Variants in MAP3K13 observed in about 807,000 individuals in gnomAD.
MAP3K13 encodes leucine zipper-bearing kinase.
Under a neutral mutation model 104.0 loss-of-function variants are expected in MAP3K13, and 52 were observed. That is an observed-to-expected ratio of 0.50 (90% CI 0.40 to 0.63). The LOEUF (loss-of-function observed/expected upper bound fraction) is 0.63. MAP3K13 is among the 20% of genes least tolerant of loss of function. The pLI is 0.00. For missense variants in MAP3K13, 914 were observed against 1,218.5 expected (o/e 0.75, Z 3.72); for synonymous variants, 394 against 442.2 (o/e 0.89, Z 1.37).
At position 185,432,848 on chromosome 3, in the gene MAP3K13, A is replaced by C. The variant is rs535178046; in HGVS notation, c.475+3792A>C. On this transcript the variant is annotated intron_variant, in intron 2 of 13. Transcript: ENST00000265026. ...GTCAGCTTAAGATTCTGACACAGGC[A>C]CAGCAGGTGCCTGGCCTTTCAGCAG... Among the ~76,000 whole-genome samples the C allele has an allele frequency of 2.0e-5, 3 of 152,354 alleles. No individual in the cohort carries two copies. The South Asian group carries it at 6.2e-4, about 32-fold the overall frequency.
intron 1 of MAP3K13, among the ~76,000 whole-genome samples, chr3:185,374,313 G>T (rs774243284): frequency 2.6e-5 from 4 of 152,126 alleles, no homozygotes; most frequent in African/African-American, 9.7e-5. Context: ...ATTTTTGGGG[G>T]TTGTATGGAG....
chr3:185,485,150 TG>T lies in MAP3K13; in HGVS notation c.*2697del, dbSNP rs1487115534. 6.6e-6 allele frequency: 1 copy of T among 152,192 alleles called. No individual in the cohort carries two copies. The highest frequency in any genetic ancestry group is 1.5e-5 in the Non-Finnish European group (1 of 68,032). 9.4% of individuals were successfully genotyped at this position (152,192 alleles called of 1,614,324 possible). The stretch of plus-strand genomic sequence containing the variant: ...TAAAGTTTCTTAGGAAATAAATTCA[TG>T]GGACTATATTAGAAATAAAAAGAGA... On this transcript the variant is annotated 3_prime_UTR_variant, in exon 14 of 14. Coordinates refer to ENST00000265026, the MANE Select transcript of MAP3K13 (RefSeq NM_004721.5).
intron 2 of MAP3K13, among the ~76,000 whole-genome samples, chr3:185,350,375 C>T (rs951217236): frequency 2.0e-5 from 3 of 152,092 alleles, no homozygotes; most frequent in Admixed American, 1.3e-4. Context: ...TTAGTAGAGA[C>T]TGGGTTTCAC....
intron 2 of MAP3K13, among the ~76,000 whole-genome samples, chr3:185,434,665 T>G (rs1374879188): frequency 6.6e-6 from 1 of 152,180 alleles, no homozygotes; most frequent in Non-Finnish European, 1.5e-5. Context: ...GCTGTAAACA[T>G]GAACACAAAC....
chr3:185,333,340 G>C (rs750581955), intron 2 of MAP3K13, among the ~76,000 whole-genome samples: 3 of 152,152 alleles, frequency 2.0e-5, no homozygotes, highest in Non-Finnish European at 4.4e-5. Context: ...TTGTAAAGAT[G>C]AGATGATGTA....
intron 2 of MAP3K13, among the ~76,000 whole-genome samples, chr3:185,324,118 C>CTCCT (rs1721964153): frequency 6.6e-6 from 1 of 152,256 alleles, no homozygotes; most frequent in African/African-American, 2.4e-5. Context: ...TCACGCCATT[C>CTCCT]TCCTGCCTCA....
chr3:185,302,573 T>C (rs1043294968), intron 2 of MAP3K13, among the ~76,000 whole-genome samples: 2 of 152,172 alleles, frequency 1.3e-5, no homozygotes, highest in African/African-American at 4.8e-5. Flanking sequence ...TTATTCCTAA[T>C]TATTTTATTC....
At position 185,300,152 on chromosome 3, in the gene MAP3K13, AT is replaced by A. The variant is rs531057445; in HGVS notation, c.-86+14510del. Among the ~76,000 whole-genome samples, 39 of 148,974 alleles carry A rather than the reference AT, an allele frequency of 2.6e-4. No individual in the cohort carries two copies. The South Asian group carries it at 7.2e-3, about 28-fold the overall frequency. On this transcript the variant is annotated intron_variant, in intron 2 of 14. Coordinates refer to the MAP3K13 transcript ENST00000424227. ...ACTTAACACAGTGTCCTCAGAGTTC[AT>A]CTGTGTTGTAGCATATGATAGGATT...
intron 1 of MAP3K13, among the ~76,000 whole-genome samples, chr3:185,388,485 G>C (rs192994637): frequency 1.3e-5 from 2 of 152,234 alleles, no homozygotes; most frequent in Admixed American, 1.3e-4. Context: ...CTAGGTGACA[G>C]AGTGAGACCC....
At chr3:185,426,683 T>C (rs1381781601) in intron 1 of MAP3K13, among the ~76,000 whole-genome samples, 1 of 152,172 alleles carries the variant, frequency 6.6e-6, no homozygotes, top group African/African-American at 2.4e-5. Flanking sequence ...ATTTCTCATC[T>C]GTTCTATAGT....
At chr3:185,448,695 C>A (rs1325791769) in intron 5 of MAP3K13, among the ~76,000 whole-genome samples, 1 of 152,120 alleles carries the variant, frequency 6.6e-6, no homozygotes, top group African/African-American at 2.4e-5. Flanking sequence ...TTGATGTTCC[C>A]ACCAGAAATA....
chr3:185,440,777 T>C lies in MAP3K13; in HGVS notation c.660-2668T>C, dbSNP rs535034515. Among the ~76,000 whole-genome samples, 41 of 152,316 alleles carry C rather than the reference T, an allele frequency of 2.7e-4. No individual in the cohort carries two copies. In the South Asian group the frequency reaches 8.5e-3, roughly 32 times the overall value. On this transcript the variant is annotated intron_variant, in intron 3 of 13. Coordinates refer to ENST00000265026, the MANE Select transcript of MAP3K13 (RefSeq NM_004721.5). ...TCATCACTTACAGCAGCTGAAGAGA[T>C]AGGCATGGGTTGGTAGCTGGCTGAA...
Position 185,423,525 on chromosome 3 carries a change from C to A in MAP3K13, c.-85-4972C>A, listed in dbSNP as rs1289190004. Among the ~76,000 whole-genome samples the A allele has an allele frequency of 6.6e-6, 1 of 152,080 alleles. No homozygotes were observed. Among genetic ancestry groups the A allele is most frequent in the Non-Finnish European group, 1.5e-5 (1 of 68,008 alleles). On this transcript the variant is annotated intron_variant, in intron 1 of 13. Transcript: ENST00000265026. This position sits in a 1 kb window ranked among gnomAD's most constrained non-coding sequence, Gnocchi z 4.1. The stretch of plus-strand genomic sequence containing the variant: ...TAATGTCAAAGCTCAGAGATGAGCA[C>A]GAAAAGAACAGGGGAGGGGAGGCTG...
intron 2 of MAP3K13, among the ~76,000 whole-genome samples, chr3:185,329,893 C>CT (rs71162293): frequency 0.69 from 71,874 of 104,830 alleles, 26,844 homozygotes; most frequent in Non-Finnish European, 0.77. Flanking sequence ...AGCCAGTAGC[C>CT]TTTTTTTTTT....
At chr3:185,474,019 A>G (rs1389892178) in intron 11 of MAP3K13, among the ~76,000 whole-genome samples, 4 of 152,184 alleles carry the variant, frequency 2.6e-5, no homozygotes, top group African/African-American at 7.2e-5. Flanking sequence ...TTATTTATAG[A>G]TAACTATATA....
chr3:185,291,993 T>G (rs1334307064), intron 2 of MAP3K13: 1 of 1,028,214 alleles, frequency 9.7e-7, no homozygotes, highest in Non-Finnish European at 1.2e-6. Flanking sequence ...TTAGGTCTTT[T>G]ATCATATCCT....
chr3:185,427,651 G>T (rs930222884), intron 1 of MAP3K13, among the ~76,000 whole-genome samples: 2 of 152,158 alleles, frequency 1.3e-5, no homozygotes, highest in Non-Finnish European at 2.9e-5. Flanking sequence ...GTGACGCAGT[G>T]CCCCAGTGGA....
intron 1 of MAP3K13, among the ~76,000 whole-genome samples, chr3:185,370,775 A>G (rs1050086079): frequency 6.7e-6 from 1 of 149,344 alleles, no homozygotes; most frequent in Non-Finnish European, 1.5e-5. Flanking sequence ...CTTCCATTAG[A>G]CTAGTGATTT....
chr3:185,480,883 T>C (rs1718407951), intron 13 of MAP3K13, among the ~76,000 whole-genome samples: 1 of 152,112 alleles, frequency 6.6e-6, no homozygotes, highest in Admixed American at 6.5e-5. Flanking sequence ...TCATGAGAAC[T>C]CACTCACTAT....
Sources: allele counts gnomAD v4.1 joint callset (sites outside exome capture counted in the v4.1 genomes callset), GRCh38; gene constraint gnomAD v4.1.1; non-coding constraint Gnocchi (gnomAD v3.1); transcripts MANE v1.5; gene names NCBI Gene and HGNC (gene_info 2026-07-23, HGNC 2026-07-21).